PIK3R6: variants seen among roughly 807,000 people sequenced by gnomAD.
The protein encoded by PIK3R6 is phosphoinositide-3-kinase regulatory subunit 6.
PIK3R6 carries 91 observed loss-of-function variants against 84.9 expected under a neutral mutation model. The observed-to-expected ratio is 1.07, with a 90% CI of 0.90 to 1.28. The LOEUF (loss-of-function observed/expected upper bound fraction) is 1.28. Among genes scored for constraint, PIK3R6 ranks in the 50% most tolerant of loss-of-function variants. PIK3R6 has a pLI of 0.00. For missense variants in PIK3R6, 996 were observed against 985.1 expected (o/e 1.01, Z -0.15); for synonymous variants, 416 against 411.4 (o/e 1.01, Z -0.13).
chr17:8,863,058 G>C (rs2089318856), intron 1 of PIK3R6, among the ~76,000 whole-genome samples: 1 of 152,140 alleles, frequency 6.6e-6, no homozygotes, highest in Non-Finnish European at 1.5e-5. Context: ...TGGGTGTGTA[G>C]GGGACAGAAA....
At chr17:8,814,224 T>TA (rs1234802981) in intron 18 of PIK3R6, among the ~76,000 whole-genome samples, 1 of 136,890 alleles carries the variant, frequency 7.3e-6, no homozygotes. Context: ...TCTTTTTTTT[T>TA]TTTTTTTTTT....
chr17:8,827,195 C>T lies in PIK3R6; in HGVS notation c.1492G>A (p.Ala498Thr), dbSNP rs556552630. The change falls in exon 13 of 20, where the codon GCC becomes ACC. Residue 498 changes from alanine to threonine, a missense_variant. By Grantham distance (58) the Ala-to-Thr change is moderately conservative. Transcript: ENST00000619866. ...YQSNVNTLCP[A>T]IHKLAEMPPS... Reference sequence around the variant, plus strand: ...ACCATCTCAGCCAGCTTGTGGATGGCGGGGCACAGCGTGTTGACGTTGCTC... The same window carrying T: ...ACCATCTCAGCCAGCTTGTGGATGGTGGGGCACAGCGTGTTGACGTTGCTC... The T allele has an allele frequency of 4.3e-6, 7 of 1,611,878 alleles. No individual in the cohort carries two copies. Among genetic ancestry groups the T allele is most frequent in the East Asian group, 2.2e-5 (1 of 44,808 alleles).
Position 8,828,098 on chromosome 17 carries a change from C to T in PIK3R6, c.1392+14G>A. On this transcript the variant is annotated intron_variant, in intron 12 of 19. Transcript: ENST00000619866. ...TGTCTCTGCCCCGCCACCGCCTCCC[C>T]GCGGTCCAGTCACCTCAGGCGCCAG... is the stretch of plus-strand genomic sequence containing the variant. 6.2e-7 allele frequency: 1 copy of T among 1,613,246 alleles called. No homozygotes were observed. The highest frequency in any genetic ancestry group is 1.3e-5 in the African/African-American group (1 of 75,040).
At chr17:8,830,424 C>A (rs2088194848) in intron 9 of PIK3R6, among the ~76,000 whole-genome samples, 1 of 152,186 alleles carries the variant, frequency 6.6e-6, no homozygotes, top group Admixed American at 6.5e-5. Context: ...ACACTGGGCA[C>A]ACCTCACATG....
At chr17:8,829,135 TCACA>T (rs1362408364) in intron 10 of PIK3R6, 145 bp from the exon 11 acceptor site, 8 of 750,152 alleles carry the variant, frequency 1.1e-5, no homozygotes, top group African/African-American at 9.1e-5. Flanking sequence ...GCACAGAGAC[TCACA>T]CACAGAGACA....
chr17:8,835,501 A>G (rs944264158), intron 7 of PIK3R6, 45 bp from the exon 8 acceptor site: 1 of 1,479,606 alleles, frequency 6.8e-7, no homozygotes, highest in Non-Finnish European at 9.1e-7. Context: ...ATAGTAACTA[A>G]TGGGAGAGGG....
rs2089072755 is a variant in PIK3R6 at position 8,854,475 on chromosome 17, A to G, written c.-91-4590T>C. On this transcript the variant is annotated intron_variant, in intron 1 of 19. Transcript: ENST00000619866. ...CACTCCTTATTTTAAGAATTACTAT[A>G]AAGTTATTAGTGAAGGGCTAGACAC... Among the ~76,000 whole-genome samples, 3 of 152,168 alleles carry G rather than the reference A, an allele frequency of 2.0e-5. No individual in the cohort carries two copies. In the South Asian group the frequency reaches 6.2e-4, roughly 32 times the overall value.
chr17:8,840,338 G>T (rs1461029921), intron 2 of PIK3R6, among the ~76,000 whole-genome samples: 1 of 129,994 alleles, frequency 7.7e-6, no homozygotes, highest in Non-Finnish European at 1.7e-5. Flanking sequence ...ATATGTATAT[G>T]AAATATATAT....
At position 8,832,994 on chromosome 17, in the gene PIK3R6, A is replaced by C. The variant is rs2088310323; in HGVS notation, c.697T>G (p.Leu233Val). 6.2e-7 allele frequency: 1 copy of C among 1,611,382 alleles called. No homozygotes were observed. Among genetic ancestry groups the C allele is most frequent in the East Asian group, 2.2e-5 (1 of 44,860 alleles). ...EHYFHAVVAA[L>V]EQMASEASPS... The stretch of plus-strand genomic sequence containing the variant: ...CTGGCCTCGCTGGCCATCTGCTCCA[A>C]GGCGGCCACCACGGCGTGGAAATAG... The change falls in exon 9 of 20, where the codon TTG becomes GTG. Residue 233 changes from leucine to valine, a missense_variant. Coordinates refer to ENST00000619866, the MANE Select transcript of PIK3R6 (RefSeq NM_001010855.4).
rs146925212 is a variant in PIK3R6 at position 8,818,522 on chromosome 17, G to A, written c.1995+561C>T. ...AAATTAGCTGGGCGAGGTGGTGCAC[G>A]CCTGTAGTCCCAGCTACTGGAGAGG... On this transcript the variant is annotated intron_variant, in intron 18 of 19. Coordinates refer to ENST00000619866, the MANE Select transcript of PIK3R6 (RefSeq NM_001010855.4). 3.1e-3 allele frequency among the ~76,000 whole-genome samples: 467 copies of A among 152,266 alleles called. 6 individuals carry two copies. The highest frequency in any genetic ancestry group is 0.011 in the African/African-American group (446 of 41,556).
intron 9 of PIK3R6, 97 bp downstream of exon 9, chr17:8,832,792 A>G (rs1241354190): frequency 1.9e-6 from 3 of 1,564,514 alleles, no homozygotes; most frequent in African/African-American, 1.3e-5. Context: ...GCACCCAGAC[A>G]GAGGCAGGTC....
chr17:8,829,174 TAC>T (rs1034614935), intron 10 of PIK3R6, among the ~76,000 whole-genome samples, 184 bp from the exon 11 acceptor site: 1 of 138,734 alleles, frequency 7.2e-6, no homozygotes, highest in Non-Finnish European at 1.5e-5. Flanking sequence ...CATACACATG[TAC>T]AGACACAGAC....
Position 8,828,127 on chromosome 17 carries a change from G to A in PIK3R6, c.1377C>T (p.Pro459=). The A allele has an allele frequency of 1.2e-6, 2 of 1,613,934 alleles. No homozygotes were observed. Among genetic ancestry groups the A allele is most frequent in the Non-Finnish European group, 1.7e-6 (2 of 1,179,850 alleles). ...PRLSLQLYYI[P]VLAPEKPAAS... ...GTCCAGTCACCTCAGGCGCCAGCAC[G>A]GGGATGTAGTAGAGCTGCAGGCTGA... The change falls in exon 12 of 20, where the codon CCC becomes CCT. Residue 459 remains proline, a synonymous_variant. Coordinates refer to ENST00000619866, the MANE Select transcript of PIK3R6 (RefSeq NM_001010855.4).
chr17:8,803,163 C>T lies in PIK3R6; in HGVS notation c.*110G>A. 1 of 1,452,016 alleles carries T rather than the reference C, an allele frequency of 6.9e-7. No individual in the cohort carries two copies. Among genetic ancestry groups the T allele is most frequent in the East Asian group, 2.3e-5 (1 of 43,372 alleles). 89.9% of individuals were successfully genotyped at this position (1,452,016 alleles called of 1,614,324 possible). A position where few individuals can be genotyped will look rare whatever the true frequency, so the allele number is the denominator to read the frequency against. ...TCCCAGGCACTCGCTGGCTCCTGGT[C>T]AAGGCCAAAGCTGCCGTGTGGAGCC... On this transcript the variant is annotated 3_prime_UTR_variant, in exon 20 of 20. Transcript: ENST00000619866. The surrounding 1 kb of genome is among the most constrained non-coding windows in gnomAD (Gnocchi z 5.0).
chr17:8,803,478 T>C lies in PIK3R6; in HGVS notation c.2109-49A>G, dbSNP rs1001170574. On this transcript the variant is annotated intron_variant, in intron 19 of 19. Coordinates refer to ENST00000619866, the MANE Select transcript of PIK3R6 (RefSeq NM_001010855.4). This position sits in a 1 kb window ranked among gnomAD's most constrained non-coding sequence, Gnocchi z 5.0. ...CAGGTGACCCATCTGAGGGATCAGA[T>C]TGCCTAGGGCATTTGAAAGGCAGAG... is the stretch of plus-strand genomic sequence containing the variant. 1 of 1,543,452 alleles carries C rather than the reference T, an allele frequency of 6.5e-7. No individual in the cohort carries two copies. Among genetic ancestry groups the C allele is most frequent in the Non-Finnish European group, 8.8e-7 (1 of 1,142,438 alleles).
intron 1 of PIK3R6, among the ~76,000 whole-genome samples, chr17:8,855,475 C>T (rs916060247): frequency 2.6e-5 from 4 of 152,132 alleles, no homozygotes; most frequent in African/African-American, 9.7e-5. Flanking sequence ...TCAATGCTAT[C>T]AGCAGTTTGG....
chr17:8,848,487 C>T (rs1003000539), intron 2 of PIK3R6, among the ~76,000 whole-genome samples: 2 of 152,132 alleles, frequency 1.3e-5, no homozygotes, highest in Non-Finnish European at 2.9e-5. Flanking sequence ...TACTACACAC[C>T]TAGGCTACAA....
chr17:8,838,694 G>A, intron 3 of PIK3R6, 39 bp from the exon 4 acceptor site: 1 of 1,546,776 alleles, frequency 6.5e-7, no homozygotes, highest in Non-Finnish European at 8.8e-7. Flanking sequence ...TGAGCAGGTG[G>A]GCAGTTCTTA....
At chr17:8,822,702 T>C (rs531978578) in intron 15 of PIK3R6, 45 bp from the exon 16 acceptor site, 173 of 1,589,310 alleles carry the variant, frequency 1.1e-4, no homozygotes, top group Non-Finnish European at 1.2e-4. Context: ...TTCCCAGGCC[T>C]CTTGCCCTAA....
Sources: gnomAD v4.1 joint callset for allele counts (sites outside exome capture counted in the v4.1 genomes callset) on GRCh38, gnomAD v4.1.1 for gene constraint, Gnocchi (gnomAD v3.1) non-coding constraint, MANE v1.5 for transcripts, NCBI Gene and HGNC (gene_info 2026-07-23, HGNC 2026-07-21) for gene names.